The following NKAIN4 variants were observed in gnomAD, a reference collection of about 807,000 sequenced individuals.
The protein encoded by NKAIN4 is sodium/potassium transporting ATPase interacting 4, also known as sodium/potassium-transporting ATPase subunit beta-1-interacting protein 4.
In NKAIN4, 28 loss-of-function variants were observed where a neutral mutation model predicts 28.8. That is an observed-to-expected ratio of 0.97 (90% CI 0.72 to 1.33). The LOEUF (loss-of-function observed/expected upper bound fraction) is 1.33, where lower values mean the gene tolerates loss of function less well. Among genes scored for constraint, NKAIN4 ranks in the 40% most tolerant of loss-of-function variants. The pLI is 0.00. For synonymous variants in NKAIN4, 122 were observed against 115.6 expected (o/e 1.06, Z -0.36); for missense variants, 289 against 277.2 (o/e 1.04, Z -0.30).
intron 1 of NKAIN4, among the ~76,000 whole-genome samples, chr20:63,250,713 C>G (rs1168471446): frequency 1.3e-5 from 2 of 152,076 alleles, no homozygotes; most frequent in African/African-American, 4.8e-5. Flanking sequence ...GGGAAAGGTG[C>G]CTGAGGAATA....
At position 63,250,019 on chromosome 20, in the gene NKAIN4, G is replaced by C; in HGVS notation, c.108C>G (p.Pro36=). Residue 36 remains proline (P), a synonymous_variant, in exon 2 of 7, where the codon CCC becomes CCG. Coordinates refer to ENST00000370316, the MANE Select transcript of NKAIN4 (RefSeq NM_152864.4). The part of the protein sequence containing the change: ...VFDFLGYQWA[P]ILANFVHIII... ...TGATGTGGACAAAGTTGGCCAGGAT[G>C]GGCGCCCACTGGTAGCCCAGGAAGT... The C allele has an allele frequency of 1.2e-6, 2 of 1,608,752 alleles. No homozygotes were observed. The highest frequency in any genetic ancestry group is 1.3e-5 in the African/African-American group (1 of 74,868).
rs1056576763 is a variant in NKAIN4 at position 63,252,342 on chromosome 20, G to A, written c.54+2055C>T. On this transcript the variant is annotated intron_variant, in intron 1 of 6. Transcript: ENST00000370316. This position sits in a 1 kb window ranked among gnomAD's most constrained non-coding sequence, Gnocchi z 4.6. ...GCAGGGCAGAGCCTGGGAATTGGACGCAGCACAGCCCGGCTCAGAGCCAGC... is the reference window on the plus strand; with the variant it reads ...GCAGGGCAGAGCCTGGGAATTGGACACAGCACAGCCCGGCTCAGAGCCAGC... Among the ~76,000 whole-genome samples, 5 of 152,142 alleles carry A rather than the reference G, an allele frequency of 3.3e-5. No individual in the cohort carries two copies. The highest frequency in any genetic ancestry group is 9.7e-5 in the African/African-American group (4 of 41,410).
Position 63,247,676 on chromosome 20 carries a change from C to G in NKAIN4, c.373G>C (p.Gly125Arg), listed in dbSNP as rs763343250. 5 of 1,542,730 alleles carry G rather than the reference C, an allele frequency of 3.2e-6. No individual in the cohort carries two copies. Among genetic ancestry groups the G allele is most frequent in the South Asian group, 1.2e-5 (1 of 82,502 alleles). The change falls in exon 4 of 7, where the codon GGG (glycine) becomes CGG (arginine). Residue 125 changes from glycine (G) to arginine (R), a missense_variant. By Grantham distance (125) the Gly-to-Arg change is moderately radical. Coordinates refer to ENST00000370316, the MANE Select transcript of NKAIN4 (RefSeq NM_152864.4). ...ACCAGGGCCTGGCCATGGGGGGCCC[C>G]GAGGCCCACTGCTGGCACCTCCTCA... is the stretch of plus-strand genomic sequence containing the variant. ...LHEEVPAVGL[G>R]APHGQALVSG...
intron 1 of NKAIN4, among the ~76,000 whole-genome samples, chr20:63,251,683 AG>A (rs1194877029): frequency 1.3e-5 from 2 of 152,226 alleles, no homozygotes; most frequent in African/African-American, 4.8e-5. Flanking sequence ...TTGTAGAGCA[AG>A]GATTATTATA....
At chr20:63,254,352 G>A in intron 1 of NKAIN4, 45 bp downstream of exon 1, 1 of 1,395,742 alleles carries the variant, frequency 7.2e-7, no homozygotes, top group Non-Finnish European at 9.4e-7. Flanking sequence ...GCCGTGGGTC[G>A]GGCACCGGGG....
At chr20:63,244,279 C>G (rs1194163043) in intron 4 of NKAIN4, among the ~76,000 whole-genome samples, 195 bp from the exon 5 acceptor site, 1 of 152,332 alleles carries the variant, frequency 6.6e-6, no homozygotes, top group South Asian at 2.1e-4. Context: ...GCTCCGGACG[C>G]ACCCCTGCCT....
intron 4 of NKAIN4, 131 bp from the exon 5 acceptor site, chr20:63,244,215 C>T: frequency 2.7e-6 from 2 of 746,238 alleles, no homozygotes; most frequent in South Asian, 1.6e-5. Context: ...CCTCAGGTTC[C>T]TCCTCTGTGA....
chr20:63,246,501 C>T, intron 4 of NKAIN4: 1 of 985,342 alleles, frequency 1.0e-6, no homozygotes, highest in Non-Finnish European at 1.2e-6. Flanking sequence ...AGGAAGGAGC[C>T]CCGGGAGCTC....
At position 63,244,248 on chromosome 20, in the gene NKAIN4, G is replaced by A. The variant is rs367985350; in HGVS notation, c.472-164C>T. Among the ~76,000 whole-genome samples, 148 of 152,284 alleles carry A rather than the reference G, an allele frequency of 9.7e-4. 2 individuals are homozygous for A. The South Asian group carries it at 0.028, about 28-fold the overall frequency. On this transcript the variant is annotated intron_variant, in intron 4 of 6. Transcript: ENST00000370316. ...TGACTTGGAGTGGGAGAGCTGACCC[G>A]TGGGTATCCTCAGCTCTCAAGCTCC...
At chr20:63,244,945 G>A (rs1274299477) in intron 4 of NKAIN4, among the ~76,000 whole-genome samples, 3 of 152,144 alleles carry the variant, frequency 2.0e-5, no homozygotes, top group Non-Finnish European at 2.9e-5. Flanking sequence ...TCAGCAGCCG[G>A]GTGACCCCAA....
At chr20:63,250,754 A>G (rs773349092) in intron 1 of NKAIN4, among the ~76,000 whole-genome samples, 18 of 152,214 alleles carry the variant, frequency 1.2e-4, no homozygotes, top group Non-Finnish European at 2.4e-4. Flanking sequence ...TAGGAGACCA[A>G]GAAAACCTGA....
chr20:63,251,968 C>G (rs965460415), intron 1 of NKAIN4, among the ~76,000 whole-genome samples: 8 of 152,126 alleles, frequency 5.3e-5, no homozygotes, highest in African/African-American at 1.9e-4. Context: ...AGCGAGCCCC[C>G]CAAGGGGAGC....
chr20:63,247,561 C>T lies in NKAIN4; in HGVS notation c.471+17G>A, dbSNP rs751069694. The T allele has an allele frequency of 4.5e-6, 7 of 1,546,362 alleles. No individual in the cohort carries two copies. The Admixed American group carries it at 9.9e-5, about 22-fold the overall frequency. On this transcript the variant is annotated intron_variant, in intron 4 of 6. Coordinates refer to ENST00000370316, the MANE Select transcript of NKAIN4 (RefSeq NM_152864.4). ...ATCAACCCATCCCCACCCGGGGGCC[C>T]CCTTCCCCACGCTCACCGCGATCAG...
At chr20:63,254,582 C>G (rs2067019364), upstream of NKAIN4, 1 of 625,290 alleles carries the variant, frequency 1.6e-6, no homozygotes, top group Non-Finnish European at 2.3e-6. Flanking sequence ...CCCGCAACCC[C>G]CGGCCCAGCC....
intron 1 of NKAIN4, chr20:63,253,894 C>A: frequency 6.4e-6 from 1 of 155,644 alleles, no homozygotes; most frequent in South Asian, 1.8e-4. Flanking sequence ...CGTTCTCACC[C>A]CCCGCCCCCT....
chr20:63,254,361 G>C (rs2067014879), intron 1 of NKAIN4, 36 bp downstream of exon 1: 1 of 1,419,722 alleles, frequency 7.0e-7, no homozygotes, highest in Non-Finnish European at 9.2e-7. Context: ...CGGGCACCGG[G>C]GGCTCCAGGA....
chr20:63,251,128 G>A (rs962471574), intron 1 of NKAIN4, among the ~76,000 whole-genome samples: 5 of 152,104 alleles, frequency 3.3e-5, no homozygotes, highest in African/African-American at 7.2e-5. Context: ...ACTGGCCAGG[G>A]GGCCCTTGCC....
chr20:63,246,223 C>A (rs752757369), intron 4 of NKAIN4, among the ~76,000 whole-genome samples: 1 of 152,298 alleles, frequency 6.6e-6, no homozygotes, highest in Non-Finnish European at 1.5e-5. Context: ...CCACCGCACC[C>A]AGCCTAGCTT....
intron 2 of NKAIN4, 94 bp downstream of exon 2, chr20:63,249,841 G>T: frequency 7.3e-7 from 1 of 1,368,524 alleles, no homozygotes; most frequent in Non-Finnish European, 1.0e-6. Context: ...GTTCAGTGGT[G>T]TCCAGGAAAA....
Sources: gnomAD v4.1 joint callset for allele counts (sites outside exome capture counted in the v4.1 genomes callset) on GRCh38, gnomAD v4.1.1 for gene constraint, Gnocchi (gnomAD v3.1) non-coding constraint, MANE v1.5 for transcripts, NCBI Gene and HGNC (gene_info 2026-07-23, HGNC 2026-07-21) for gene names.